The following OSBPL2 variants were observed in gnomAD, a reference collection of about 807,000 sequenced individuals.
OSBPL2 encodes oxysterol binding protein like 2.
In OSBPL2, 18 loss-of-function variants were observed where a neutral mutation model predicts 58.4. That is an observed-to-expected ratio of 0.31 (90% CI 0.21 to 0.46). The LOEUF is 0.46. Among genes scored for constraint, OSBPL2 ranks in the 20% least tolerant of loss-of-function variants. The probability of loss-of-function intolerance (pLI) is 1.00; values close to 1 mark genes in which losing one functional copy is unlikely to be tolerated. For missense variants in OSBPL2, 461 were observed against 616.5 expected (o/e 0.75, Z 2.67); for synonymous variants, 221 against 234.1 (o/e 0.94, Z 0.51).
intron 3 of OSBPL2, among the ~76,000 whole-genome samples, chr20:62,263,325 A>G (rs1162950917): frequency 1.3e-5 from 2 of 152,126 alleles, no homozygotes; most frequent in East Asian, 3.9e-4. Flanking sequence ...GACTCCCTCC[A>G]GCTGCCACCC....
At chr20:62,264,087 A>G (rs1034477421) in intron 4 of OSBPL2, among the ~76,000 whole-genome samples, 120 of 152,014 alleles carry the variant, frequency 7.9e-4, no homozygotes, top group Admixed American at 2.0e-3. Context: ...AAAAAGAAAA[A>G]AAATGCACTC....
At chr20:62,258,989 G>A (rs1981118467) in intron 2 of OSBPL2, 4 of 152,232 alleles carry the variant, frequency 2.6e-5, no homozygotes. Flanking sequence ...TGTGTGGAGG[G>A]GCAGGACACA....
intron 11 of OSBPL2, among the ~76,000 whole-genome samples, 194 bp from the exon 12 acceptor site, chr20:62,289,013 G>A (rs1463293146): frequency 1.3e-5 from 2 of 152,180 alleles, no homozygotes; most frequent in Non-Finnish European, 2.9e-5. Flanking sequence ...CGTTACAGCC[G>A]CAGTGCATGA....
At position 62,272,010 on chromosome 20, in the gene OSBPL2, C is replaced by G. The variant is rs534866623; in HGVS notation, c.259-115C>G. On this transcript the variant is annotated intron_variant, in intron 4 of 13. Coordinates refer to ENST00000313733, the MANE Select transcript of OSBPL2 (RefSeq NM_144498.4). ...CTCACCCATGGGGGGTTTGAAGATCCGGTTCAACCCCAGAGGCTGCGGCTC... is the reference window on the plus strand; with the variant it reads ...CTCACCCATGGGGGGTTTGAAGATCGGGTTCAACCCCAGAGGCTGCGGCTC... 6.2e-6 allele frequency: 8 copies of G among 1,285,936 alleles called. 1 individual carries two copies. The South Asian group carries it at 8.2e-5, about 13-fold the overall frequency. 79.7% of individuals were successfully genotyped at this position (1,285,936 alleles called of 1,614,324 possible).
In OSBPL2 at chr20:62,277,184, AG is replaced by A. The variant is rs373295757; in HGVS notation, c.492-1971del. Among the ~76,000 whole-genome samples, 212 of 152,334 alleles carry A rather than the reference AG, an allele frequency of 1.4e-3. 1 individual carries two copies. The highest frequency in any genetic ancestry group is 4.9e-3 in the African/African-American group (202 of 41,590). The stretch of plus-strand genomic sequence containing the variant: ...GAGAATCACTTGAACCTGGAGGCGG[AG>A]GTTGCAGTGAGCCGAGATCACGCCA... On this transcript the variant is annotated intron_variant, in intron 6 of 13. Coordinates refer to ENST00000313733, the MANE Select transcript of OSBPL2 (RefSeq NM_144498.4).
chr20:62,289,441 C>G (rs1226452910), intron 12 of OSBPL2, 111 bp downstream of exon 12: 3 of 1,280,398 alleles, frequency 2.3e-6, no homozygotes, highest in Non-Finnish European at 3.2e-6. Flanking sequence ...ACAAGGGGAG[C>G]CCCGTCCCTC....
chr20:62,291,274 C>CA (rs1983492630), intron 12 of OSBPL2: 1 of 286,032 alleles, frequency 3.5e-6, no homozygotes, highest in Admixed American at 4.8e-5. Context: ...ACAGAAGCCA[C>CA]ATGGCAGTTA....
chr20:62,245,717 G>A (rs897458298), intron 1 of OSBPL2, among the ~76,000 whole-genome samples: 8 of 152,222 alleles, frequency 5.3e-5, no homozygotes, highest in South Asian at 4.1e-4. Flanking sequence ...GCGGCCAGTC[G>A]TACGTGCCTC....
At chr20:62,274,821 G>C (rs774898595) in intron 6 of OSBPL2, among the ~76,000 whole-genome samples, 22 of 152,260 alleles carry the variant, frequency 1.4e-4, no homozygotes, top group Non-Finnish European at 2.6e-4. Context: ...CCCAGGAACA[G>C]AGTGCAGACG....
intron 6 of OSBPL2, among the ~76,000 whole-genome samples, chr20:62,276,312 G>A (rs1165219115): frequency 1.3e-5 from 2 of 152,216 alleles, no homozygotes; most frequent in South Asian, 2.1e-4. Context: ...TTAAAAGTGC[G>A]TGCCCATGTT....
intron 1 of OSBPL2, among the ~76,000 whole-genome samples, chr20:62,248,042 G>A (rs1297546893): frequency 6.6e-6 from 1 of 151,894 alleles, no homozygotes; most frequent in Non-Finnish European, 1.5e-5. Flanking sequence ...TACCACATAA[G>A]GCTCTGTGCA....
chr20:62,249,217 A>G (rs1980359767), intron 1 of OSBPL2, among the ~76,000 whole-genome samples: 1 of 151,912 alleles, frequency 6.6e-6, no homozygotes, highest in Non-Finnish European at 1.5e-5. Context: ...AGTGCCCCCC[A>G]ACCCCCCAAA....
In OSBPL2 at chr20:62,256,116, A is replaced by G; in HGVS notation, c.-69A>G. ...GTTTGTAAAATTCCTTACACTGTAGATGTGGATCAGATACGATGATTCAGT... is the reference window on the plus strand; with the variant it reads ...GTTTGTAAAATTCCTTACACTGTAGGTGTGGATCAGATACGATGATTCAGT... On this transcript the variant is annotated 5_prime_UTR_variant, in exon 2 of 14. The change abolishes an upstream ATG in the 5' untranslated region. Coordinates refer to ENST00000313733, the MANE Select transcript of OSBPL2 (RefSeq NM_144498.4). 1 of 1,537,974 alleles carries G rather than the reference A, an allele frequency of 6.5e-7. No individual in the cohort carries two copies. The highest frequency in any genetic ancestry group is 9.0e-7 in the Non-Finnish European group (1 of 1,113,404).
At chr20:62,283,002 G>A (rs1336489233) in intron 9 of OSBPL2, among the ~76,000 whole-genome samples, 1 of 152,216 alleles carries the variant, frequency 6.6e-6, no homozygotes, top group Non-Finnish European at 1.5e-5. Context: ...TTACAACAGG[G>A]TAGCAGTCAT....
intron 13 of OSBPL2, 63 bp from the exon 14 acceptor site, chr20:62,293,721 GA>G (rs1983674531): frequency 1.4e-5 from 21 of 1,487,408 alleles, no homozygotes; most frequent in Non-Finnish European, 1.9e-5. Flanking sequence ...CCTGCACCCA[GA>G]ACAGGGCTGC....
At chr20:62,279,780 G>C (rs1305087036) in intron 7 of OSBPL2, 3 of 226,558 alleles carry the variant, frequency 1.3e-5, no homozygotes, top group East Asian at 3.6e-4. Flanking sequence ...TGCCCATGGC[G>C]CCTGTGTCCT....
intron 6 of OSBPL2, chr20:62,278,178 CAT>C (rs532275212): frequency 2.4e-4 from 43 of 175,516 alleles, no homozygotes; most frequent in East Asian, 1.1e-3. Context: ...CTCTGGAAGC[CAT>C]GTGTGTGTGT....
At chr20:62,242,585 C>T (rs752752807) in intron 1 of OSBPL2, 1 of 152,196 alleles carries the variant, frequency 6.6e-6, no homozygotes, top group Non-Finnish European at 1.5e-5. Flanking sequence ...GTGGCTGGCT[C>T]CATAGTTTGG....
At chr20:62,277,213 G>A (rs1432027367) in intron 6 of OSBPL2, among the ~76,000 whole-genome samples, 1 of 152,226 alleles carries the variant, frequency 6.6e-6, no homozygotes, top group East Asian at 1.9e-4. Flanking sequence ...TCACGCCACT[G>A]CACTCCAGCC....
Sources: allele counts gnomAD v4.1 joint callset (sites outside exome capture counted in the v4.1 genomes callset), GRCh38; gene constraint gnomAD v4.1.1; transcripts MANE v1.5; gene names NCBI Gene and HGNC (gene_info 2026-07-23, HGNC 2026-07-21).